TMPRSS9: variants seen among roughly 807,000 people sequenced by gnomAD.
TMPRSS9 encodes transmembrane serine protease 9.
In TMPRSS9, 113 loss-of-function variants were observed where a neutral mutation model predicts 111.4. The observed-to-expected ratio is 1.01, with a 90% CI of 0.87 to 1.19. TMPRSS9 has a LOEUF of 1.19. Ranked by LOEUF, TMPRSS9 falls within the 50% of genes most tolerant of loss-of-function variation. The pLI, the probability that TMPRSS9 is intolerant of heterozygous loss-of-function variation, is 0.00. For missense variants in TMPRSS9, 1,803 were observed against 1,513.1 expected, an observed-to-expected ratio of 1.19 and a Z score of -3.18; for synonymous variants, 805 against 659.1, an observed-to-expected ratio of 1.22 and a Z score of -3.39.
rs983857484 is a variant in TMPRSS9, at chr19:2,425,576, C to G, written c.3120+83C>G. 3.6e-6 allele frequency: 5 copies of G among 1,403,420 alleles called. No homozygotes were observed. In the African/African-American group the frequency reaches 6.0e-5, roughly 17 times the overall value. The allele number at this position is 1,403,420 out of a possible 1,614,324, so 86.9% of individuals were successfully genotyped here. A position where few individuals can be genotyped will look rare whatever the true frequency, so the allele number is the denominator to read the frequency against. On this transcript the variant is annotated intron_variant, in intron 17 of 17. Coordinates refer to ENST00000648592, the Ensembl canonical transcript of TMPRSS9. Reference sequence around the variant, plus strand: ...TTCCCGCTGCCACGAAGCCCACCATCCGGGAGCCACCCTCCGGTGCAGGCT... The same window carrying G: ...TTCCCGCTGCCACGAAGCCCACCATGCGGGAGCCACCCTCCGGTGCAGGCT...
intron 11 of TMPRSS9, chr19:2,416,288 A>G: frequency 1.9e-6 from 1 of 536,112 alleles, no homozygotes; most frequent in East Asian, 3.0e-5. Context: ...GGGCATTGGC[A>G]CAGGTGTAGA....
intron 12 of TMPRSS9, among the ~76,000 whole-genome samples, chr19:2,417,596 C>CA (rs1247345728): frequency 6.6e-6 from 1 of 151,770 alleles, no homozygotes; most frequent in East Asian, 1.9e-4. Flanking sequence ...CGCAGTGAGC[C>CA]ATGATCATGC....
chr19:2,424,472 C>T (rs1971551026), intron 15 of TMPRSS9, among the ~76,000 whole-genome samples: 2 of 150,584 alleles, frequency 1.3e-5, no homozygotes, highest in East Asian at 2.0e-4. Context: ...CCTGACCACA[C>T]GGGGCTGGGG....
upstream of TMPRSS9, among the ~76,000 whole-genome samples, chr19:2,385,061 C>G (rs1430036987): frequency 6.6e-6 from 1 of 151,374 alleles, no homozygotes; most frequent in Non-Finnish European, 1.5e-5. Flanking sequence ...TTTGGGAGGC[C>G]GAGGCGGGCG....
intron 9 of TMPRSS9, among the ~76,000 whole-genome samples, chr19:2,411,014 C>T (rs1190984887): frequency 2.0e-5 from 3 of 151,998 alleles, no homozygotes; most frequent in Admixed American, 1.3e-4. Flanking sequence ...CAAGAAGGTT[C>T]CAGGGCTGGG....
chr19:2,389,952 G>T (rs1265168047), intron 1 of TMPRSS9, 25 bp downstream of exon 2: 2 of 1,596,572 alleles, frequency 1.3e-6, no homozygotes, highest in Non-Finnish European at 1.7e-6. Context: ...GATTGGCTGG[G>T]TTCGCAATAC....
At chr19:2,391,385 T>TTTC (rs1970590605) in intron 1 of TMPRSS9, among the ~76,000 whole-genome samples, 4 of 151,240 alleles carry the variant, frequency 2.6e-5, no homozygotes, top group African/African-American at 7.3e-5. Flanking sequence ...TTTTTTCTTT[T>TTTC]TTTTAAAAAA....
At chr19:2,378,120 T>A (rs1970354198) in intron 1 of TMPRSS9, among the ~76,000 whole-genome samples, 1 of 152,088 alleles carries the variant, frequency 6.6e-6, no homozygotes, top group African/African-American at 2.4e-5. Context: ...CCTCAAGCAA[T>A]TCTCTTGCCT....
chr19:2,418,124 G>A (rs1230721296), exon 13 of TMPRSS9: 2 of 1,611,996 alleles, frequency 1.2e-6, no homozygotes, highest in African/African-American at 2.7e-5. Context: ...GGAAGGCAAA[G>A]TCGACTCCTG....
chr19:2,405,679 T>A, intron 7 of TMPRSS9, 134 bp downstream of exon 8: 1 of 976,592 alleles, frequency 1.0e-6, no homozygotes, highest in Non-Finnish European at 1.4e-6. Flanking sequence ...CTTTCTTGCT[T>A]TTGCTGTTGT....
intron 9 of TMPRSS9, among the ~76,000 whole-genome samples, chr19:2,410,774 C>G (rs1379447558): frequency 6.6e-6 from 1 of 152,142 alleles, no homozygotes; most frequent in Non-Finnish European, 1.5e-5. Context: ...GTGTAAATCC[C>G]CCCCAGCTGC....
chr19:2,366,145 T>C (rs1158500978), intron 1 of TMPRSS9, among the ~76,000 whole-genome samples: 2 of 152,012 alleles, frequency 1.3e-5, no homozygotes, highest in East Asian at 3.9e-4. Flanking sequence ...CTAGAAAACA[T>C]TGGCCATTAA....
At chr19:2,394,148 A>G (rs540110075) in intron 1 of TMPRSS9, among the ~76,000 whole-genome samples, 2 of 152,232 alleles carry the variant, frequency 1.3e-5, no homozygotes, top group East Asian at 3.9e-4. Flanking sequence ...GGTTGCACTG[A>G]GCCAAGATCG....
intron 12 of TMPRSS9, 149 bp from the exon 14 acceptor site, chr19:2,417,853 T>G (rs1599311256): frequency 8.7e-7 from 1 of 1,150,234 alleles, no homozygotes; most frequent in African/African-American, 1.5e-5. Flanking sequence ...CCTCACTCTG[T>G]GGCTTTGTGA....
exon 10 of TMPRSS9, chr19:2,413,813 C>T (rs1163122166): frequency 1.9e-6 from 3 of 1,613,802 alleles, no homozygotes; most frequent in South Asian, 2.2e-5. Context: ...GGGTCTATGC[C>T]CGAGTCACCA....
intron 4 of TMPRSS9, 128 bp downstream of exon 5, chr19:2,399,321 T>C (rs1055234716): frequency 7.8e-6 from 10 of 1,276,006 alleles, no homozygotes; most frequent in Admixed American, 3.0e-5. Flanking sequence ...TGGTGGCTCA[T>C]GCCTGCAACC....
At chr19:2,383,349 G>A (rs961419662) in intron 1 of TMPRSS9, among the ~76,000 whole-genome samples, 3 of 146,670 alleles carry the variant, frequency 2.0e-5, no homozygotes, top group Admixed American at 1.4e-4. Flanking sequence ...GCTAGATTCC[G>A]TCAAAAAAAA....
rs1319556728 is a variant in TMPRSS9, at chr19:2,425,452, CTG to C, written c.3084_3085del (p.Ala1029ArgfsTer13). On this transcript the variant is annotated frameshift_variant, in exon 17 of 18. Coordinates refer to ENST00000648592, the Ensembl canonical transcript of TMPRSS9. LOFTEE classifies it low-confidence loss of function (END_TRUNC). Reference sequence around the variant, plus strand: ...CCCAGTGCAGATCAGCAGCCGCATGCTGTGTGCCGGCTTCCCGCAGGGTGGCG... The same window carrying C: ...CCCAGTGCAGATCAGCAGCCGCATGCTGTGCCGGCTTCCCGCAGGGTGGCG... The C allele has an allele frequency of 1.7e-5, 27 of 1,592,386 alleles. No homozygotes were observed. The highest frequency in any genetic ancestry group is 2.3e-5 in the Non-Finnish European group (27 of 1,174,840).
upstream of TMPRSS9, among the ~76,000 whole-genome samples, chr19:2,386,563 G>A (rs1005952659): frequency 6.6e-6 from 1 of 151,930 alleles, no homozygotes; most frequent in Non-Finnish European, 1.5e-5. Context: ...ACTGCACCCA[G>A]CCAGGATTTG....
Sources: allele counts gnomAD v4.1 joint callset (sites outside exome capture counted in the v4.1 genomes callset), GRCh38; gene constraint gnomAD v4.1.1; transcripts MANE v1.5; gene names NCBI Gene and HGNC (gene_info 2026-07-23, HGNC 2026-07-21).